The following SHANK2 variants were observed in gnomAD, a reference collection of about 807,000 sequenced individuals.
SHANK2 encodes SH3 and multiple ankyrin repeat domains 2.
Under a neutral mutation model 133.7 loss-of-function variants are expected in SHANK2, and 43 were observed. The ratio of observed to expected loss-of-function variants is 0.32; its 90% CI spans 0.25 to 0.41. The LOEUF (loss-of-function observed/expected upper bound fraction) is 0.41. SHANK2 is among the 10% of genes least tolerant of loss of function. The pLI, the probability that SHANK2 is intolerant of heterozygous loss-of-function variation, is 1.00. For synonymous variants in SHANK2, 1,017 were observed against 952.8 expected, an observed-to-expected ratio of 1.07 and a Z score of -1.24; for missense variants, 1,994 against 2,235.8, an observed-to-expected ratio of 0.89 and a Z score of 2.18.
At chr11:70,732,439 A>G (rs1946310989) in intron 14 of SHANK2, among the ~76,000 whole-genome samples, 1 of 152,030 alleles carries the variant, frequency 6.6e-6, no homozygotes, top group Non-Finnish European at 1.5e-5. Flanking sequence ...ACCTGGCCCC[A>G]AAGCCATCCT....
chr11:70,820,915 G>C (rs897469206), intron 11 of SHANK2, among the ~76,000 whole-genome samples: 1 of 152,190 alleles, frequency 6.6e-6, no homozygotes, highest in Non-Finnish European at 1.5e-5. Context: ...CCACGGCACG[G>C]AGCTCAAGCC....
At chr11:70,770,798 C>T (rs2921323) in intron 14 of SHANK2, among the ~76,000 whole-genome samples, 1 of 152,106 alleles carries the variant, frequency 6.6e-6, no homozygotes, top group African/African-American at 2.4e-5. Flanking sequence ...ATCAGTCCCT[C>T]TCCGACACAC....
At chr11:70,876,333 G>A (rs1433312160) in intron 11 of SHANK2, among the ~76,000 whole-genome samples, 2 of 149,846 alleles carry the variant, frequency 1.3e-5, no homozygotes, top group East Asian at 2.0e-4. Flanking sequence ...AGGCCGAGGC[G>A]GGCAGATCAC....
At chr11:70,546,088 ATTTAT>A (rs2059690769) in intron 17 of SHANK2, among the ~76,000 whole-genome samples, 1 of 106,894 alleles carries the variant, frequency 9.4e-6, no homozygotes, top group African/African-American at 3.2e-5. Flanking sequence ...TTATAAATTT[ATTTAT>A]TTAATTTTTT....
At chr11:70,848,536 G>A (rs565810147) in intron 11 of SHANK2, among the ~76,000 whole-genome samples, 1 of 152,206 alleles carries the variant, frequency 6.6e-6, no homozygotes, top group Non-Finnish European at 1.5e-5. Flanking sequence ...GGACCTTAAA[G>A]GCCCTAAAGT....
intron 17 of SHANK2, among the ~76,000 whole-genome samples, chr11:70,590,560 C>T (rs36026563): frequency 0.19 from 29,234 of 152,176 alleles, 3,138 homozygotes; most frequent in East Asian, 0.41. Flanking sequence ...CCTTCGGCAA[C>T]CACCGCTCTC....
chr11:71,119,182 A>G (rs1555101014), intron 3 of SHANK2, 150 bp from the exon 4 acceptor site: 9 of 633,916 alleles, frequency 1.4e-5, no homozygotes, highest in Non-Finnish European at 2.2e-5. Flanking sequence ...ACAGTGAAAA[A>G]TAAAGCCTAC....
chr11:71,245,811 T>C (rs1197584067), intron 1 of SHANK2, among the ~76,000 whole-genome samples: 5 of 152,222 alleles, frequency 3.3e-5, no homozygotes, highest in Admixed American at 2.6e-4. Context: ...CTGTAGGACC[T>C]TGAAATGCAG....
At chr11:71,083,831 G>A (rs1025380988) in intron 8 of SHANK2, among the ~76,000 whole-genome samples, 3 of 152,192 alleles carry the variant, frequency 2.0e-5, no homozygotes, top group Non-Finnish European at 4.4e-5. Context: ...GACCCCTGAT[G>A]TCCTTGGGTT....
chr11:70,870,664 T>C (rs1336919160), intron 11 of SHANK2, among the ~76,000 whole-genome samples: 1 of 152,182 alleles, frequency 6.6e-6, no homozygotes, highest in African/African-American at 2.4e-5. Flanking sequence ...CAGTGGCCTG[T>C]AGGCAATCTT....
At chr11:71,064,294 G>A (rs909032892) in intron 9 of SHANK2, among the ~76,000 whole-genome samples, 4 of 152,218 alleles carry the variant, frequency 2.6e-5, no homozygotes, top group African/African-American at 4.8e-5. Context: ...GAGAGGATGC[G>A]GCTGGCTGGG....
At chr11:71,205,474 G>A (rs1202077344) in intron 2 of SHANK2, among the ~76,000 whole-genome samples, 2 of 152,214 alleles carry the variant, frequency 1.3e-5, no homozygotes, top group Non-Finnish European at 2.9e-5. Context: ...CTGGGCTCCA[G>A]TAGAGGCTGC....
At chr11:70,550,983 G>A (rs1239393691) in intron 17 of SHANK2, among the ~76,000 whole-genome samples, 4 of 152,166 alleles carry the variant, frequency 2.6e-5, no homozygotes, top group African/African-American at 9.7e-5. Context: ...CGCTCTCCAG[G>A]AAGGTCCAGG....
At chr11:71,242,553 C>T (rs1954909080) in intron 1 of SHANK2, among the ~76,000 whole-genome samples, 1 of 152,220 alleles carries the variant, frequency 6.6e-6, no homozygotes, top group Non-Finnish European at 1.5e-5. Context: ...CCTGCTAAAA[C>T]AGCAGCCCCC....
At chr11:70,781,012 T>C (rs1157809701) in intron 14 of SHANK2, among the ~76,000 whole-genome samples, 2 of 152,172 alleles carry the variant, frequency 1.3e-5, no homozygotes, top group Non-Finnish European at 2.9e-5. Flanking sequence ...GCAGTAACTA[T>C]CATCCCTTCC....
rs1426494522 is a variant in SHANK2 at position 71,076,514 on chromosome 11, C to T, written c.913-1239G>A. Among the ~76,000 whole-genome samples, 197 of 149,266 alleles carry T rather than the reference C, an allele frequency of 1.3e-3. 2 individuals carry two copies. Among genetic ancestry groups the T allele is most frequent in the African/African-American group, 4.6e-3 (188 of 40,648 alleles). ...CAAAACAAAACAAAAAAAAAACAAA[C>T]AAAAACAAAAAACGAAAAACAAAAA... On this transcript the variant is annotated intron_variant, in intron 8 of 25. Coordinates refer to ENST00000601538, the MANE Select transcript of SHANK2 (RefSeq NM_012309.5).
intron 3 of SHANK2, among the ~76,000 whole-genome samples, chr11:71,119,351 G>A (rs1555101049): frequency 6.6e-6 from 1 of 152,192 alleles, no homozygotes; most frequent in Non-Finnish European, 1.5e-5. Flanking sequence ...GGAGGTCCAG[G>A]CAAGCAGATC....
intron 1 of SHANK2, among the ~76,000 whole-genome samples, chr11:71,228,949 T>TA (rs1489620794): frequency 5.3e-4 from 81 of 152,204 alleles, no homozygotes; most frequent in African/African-American, 1.5e-3. Flanking sequence ...CAATATTTTT[T>TA]AAAAAAATCA....
chr11:70,863,363 C>G (rs782126679), intron 11 of SHANK2: 5 of 457,944 alleles, frequency 1.1e-5, no homozygotes, highest in Non-Finnish European at 2.2e-5. Flanking sequence ...ACAGCCCGAC[C>G]TCATCCTGGT....
Sources: gnomAD v4.1 joint callset for allele counts (sites outside exome capture counted in the v4.1 genomes callset) on GRCh38, gnomAD v4.1.1 for gene constraint, MANE v1.5 for transcripts, NCBI Gene and HGNC (gene_info 2026-07-23, HGNC 2026-07-21) for gene names.